The following RAB38 variants were observed in gnomAD, a reference collection of about 807,000 sequenced individuals.
RAB38 encodes ras-related protein Rab-38.
In RAB38, 15 loss-of-function variants were observed where a neutral mutation model predicts 18.4. The ratio of observed to expected loss-of-function variants is 0.82; its 90% CI spans 0.55 to 1.26. The LOEUF is 1.26. RAB38 is among the 50% of genes most tolerant of loss of function. The pLI, the probability that RAB38 is intolerant of heterozygous loss-of-function variation, is 0.00. For missense variants in RAB38, 294 were observed against 267.4 expected (o/e 1.10, Z -0.69); for synonymous variants, 101 against 104.4 (o/e 0.97, Z 0.20).
At chr11:87,967,315 T>G in the RAB38 span, among the ~76,000 whole-genome samples, 1 of 152,122 alleles carries the variant, frequency 6.6e-6, no homozygotes, top group Non-Finnish European at 1.5e-5. Flanking sequence ...GCTGAATAAA[T>G]TTGAGTGGAA....
the RAB38 span, among the ~76,000 whole-genome samples, chr11:87,976,484 T>G: frequency 8.5e-6 from 1 of 117,434 alleles, no homozygotes; most frequent in Non-Finnish European, 1.6e-5. Flanking sequence ...AGTTATATAT[T>G]TTTATATATT....
the RAB38 span, among the ~76,000 whole-genome samples, chr11:88,047,452 A>T: frequency 6.6e-6 from 1 of 152,192 alleles, no homozygotes; most frequent in Non-Finnish European, 1.5e-5. Flanking sequence ...TCTATCATTG[A>T]AGCTACCACT....
At chr11:87,889,331 A>T in the RAB38 span, among the ~76,000 whole-genome samples, 1 of 151,748 alleles carries the variant, frequency 6.6e-6, no homozygotes, top group Non-Finnish European at 1.5e-5. Flanking sequence ...CCAAATCCAA[A>T]CCACATGTGC....
At chr11:88,023,117 A>G in the RAB38 span, among the ~76,000 whole-genome samples, 1 of 152,112 alleles carries the variant, frequency 6.6e-6, no homozygotes, top group Non-Finnish European at 1.5e-5. Flanking sequence ...AAGCCTACCT[A>G]TGTAATAAAC....
At chr11:87,910,824 A>G in the RAB38 span, among the ~76,000 whole-genome samples, 2 of 151,682 alleles carry the variant, frequency 1.3e-5, no homozygotes, top group African/African-American at 2.4e-5. Flanking sequence ...TTTAGTAGAG[A>G]CGGGGTTTCA....
At chr11:87,959,883 A>C in the RAB38 span, among the ~76,000 whole-genome samples, 2 of 152,074 alleles carry the variant, frequency 1.3e-5, no homozygotes, top group African/African-American at 4.8e-5. Context: ...AGAGCCACAA[A>C]CTTACTCTGG....
the RAB38 span, among the ~76,000 whole-genome samples, chr11:87,870,435 A>T: frequency 6.6e-6 from 1 of 151,476 alleles, no homozygotes; most frequent in Non-Finnish European, 1.5e-5. Flanking sequence ...TCTTAATTCA[A>T]ATTTTAAGAA....
At chr11:87,861,042 A>C in the RAB38 span, among the ~76,000 whole-genome samples, 1 of 151,988 alleles carries the variant, frequency 6.6e-6, no homozygotes, top group Admixed American at 6.6e-5. Flanking sequence ...ACGCTTTATA[A>C]AATCTTTAGG....
chr11:87,842,556 C>T, the RAB38 span, among the ~76,000 whole-genome samples: 2 of 152,138 alleles, frequency 1.3e-5, no homozygotes, highest in Admixed American at 1.3e-4. Flanking sequence ...GCCATAAATA[C>T]TTTTAAAATT....
intron 1 of RAB38, chr11:88,166,304 G>A (rs1316013509): frequency 1.3e-5 from 2 of 152,146 alleles, no homozygotes; most frequent in Non-Finnish European, 2.9e-5. Context: ...TCCACTGCAC[G>A]AACTTCCACA....
At chr11:88,064,663 A>C in the RAB38 span, among the ~76,000 whole-genome samples, 18 of 152,376 alleles carry the variant, frequency 1.2e-4, no homozygotes, top group East Asian at 3.3e-3. Flanking sequence ...TTTGGATAAA[A>C]GCATACATCT....
At chr11:87,804,380 A>G in the RAB38 span, among the ~76,000 whole-genome samples, 1 of 152,052 alleles carries the variant, frequency 6.6e-6, no homozygotes, top group Non-Finnish European at 1.5e-5. Context: ...GTCTTAGGGC[A>G]TTTGCCTGCA....
chr11:88,094,340 C>T, the RAB38 span, among the ~76,000 whole-genome samples: 1 of 151,984 alleles, frequency 6.6e-6, no homozygotes, highest in South Asian at 2.1e-4. Flanking sequence ...TTTCAATAGG[C>T]ACATGGATCA....
the RAB38 span, among the ~76,000 whole-genome samples, chr11:87,845,031 TAAC>T: frequency 2.6e-5 from 4 of 152,208 alleles, no homozygotes; most frequent in African/African-American, 7.2e-5. Flanking sequence ...TTATCAAGAA[TAAC>T]AATAATTTAG....
the RAB38 span, among the ~76,000 whole-genome samples, chr11:88,004,181 C>T: frequency 6.7e-6 from 1 of 149,328 alleles, no homozygotes; most frequent in African/African-American, 2.4e-5. Flanking sequence ...GACACACATC[C>T]TTCATGAATA....
chr11:88,090,124 A>G, the RAB38 span, among the ~76,000 whole-genome samples: 6 of 151,958 alleles, frequency 3.9e-5, no homozygotes, highest in African/African-American at 1.4e-4. Flanking sequence ...CCTGAACACA[A>G]GGGTCCTCTT....
the RAB38 span, among the ~76,000 whole-genome samples, chr11:87,976,241 C>A: frequency 2.2e-5 from 3 of 138,940 alleles, no homozygotes; most frequent in Admixed American, 1.5e-4. Context: ...ATATATACAC[C>A]TTCATATATG....
At chr11:88,028,212 A>G in the RAB38 span, among the ~76,000 whole-genome samples, 2 of 152,204 alleles carry the variant, frequency 1.3e-5, no homozygotes, top group African/African-American at 4.8e-5. Flanking sequence ...GGACATCCAC[A>G]CCAAAAACCC....
At chr11:88,052,142 A>G in the RAB38 span, among the ~76,000 whole-genome samples, 1 of 152,172 alleles carries the variant, frequency 6.6e-6, no homozygotes, top group Non-Finnish European at 1.5e-5. Flanking sequence ...TAAATAATAA[A>G]AGAATAAACA....
Sources: allele counts gnomAD v4.1 joint callset (sites outside exome capture counted in the v4.1 genomes callset), GRCh38; gene constraint gnomAD v4.1.1; transcripts MANE v1.5; gene names NCBI Gene and HGNC (gene_info 2026-07-23, HGNC 2026-07-21).